Variants in DOCK3 observed in about 807,000 individuals in gnomAD.
DOCK3 encodes the protein dedicator of cytokinesis 3, also known as dedicator of cytokinesis protein 3.
In DOCK3, 60 loss-of-function variants were observed where a neutral mutation model predicts 265.6. The ratio of observed to expected loss-of-function variants is 0.23; its 90% CI spans 0.18 to 0.28. The LOEUF (loss-of-function observed/expected upper bound fraction) is 0.28, where lower values mean the gene tolerates loss of function less well. DOCK3 is among the 10% of genes least tolerant of loss of function. The probability of loss-of-function intolerance (pLI) is 1.00; values close to 1 mark genes in which losing one functional copy is unlikely to be tolerated. For synonymous variants in DOCK3, 881 were observed against 938.0 expected (o/e 0.94, Z 1.11); for missense variants, 1,981 against 2,594.3 (o/e 0.76, Z 5.14).
At chr3:50,984,261 A>G (rs1028702919) in intron 5 of DOCK3, among the ~76,000 whole-genome samples, 2 of 152,142 alleles carry the variant, frequency 1.3e-5, no homozygotes, top group African/African-American at 4.8e-5. Context: ...CAACACCCCA[A>G]AGATCCTGTA....
At chr3:51,159,495 G>A (rs911507673) in intron 11 of DOCK3, among the ~76,000 whole-genome samples, 191 bp downstream of exon 11, 5 of 151,952 alleles carry the variant, frequency 3.3e-5, no homozygotes, top group Middle Eastern at 3.4e-3. Context: ...AAATGGATTC[G>A]GGGGGGTGGG....
intron 5 of DOCK3, among the ~76,000 whole-genome samples, chr3:50,983,437 C>A (rs2077775804): frequency 6.6e-6 from 1 of 152,156 alleles, no homozygotes; most frequent in Non-Finnish European, 1.5e-5. Flanking sequence ...ATTTCCTCCC[C>A]TCTGTGGCCC....
chr3:50,872,559 C>A (rs2047483611), intron 3 of DOCK3, among the ~76,000 whole-genome samples: 1 of 152,216 alleles, frequency 6.6e-6, no homozygotes, highest in South Asian at 2.1e-4. Flanking sequence ...TATGTCTGTT[C>A]AAGGCCCTGG....
At chr3:51,272,819 A>C (rs1177048645) in intron 24 of DOCK3, among the ~76,000 whole-genome samples, 1 of 151,972 alleles carries the variant, frequency 6.6e-6, no homozygotes, top group Non-Finnish European at 1.5e-5. Flanking sequence ...GGTTTGGGGC[A>C]CACTGTCACT....
chr3:51,250,985 C>T (rs1457005135), intron 22 of DOCK3, among the ~76,000 whole-genome samples: 1 of 152,178 alleles, frequency 6.6e-6, no homozygotes, highest in African/African-American at 2.4e-5. Flanking sequence ...TCGTCATTTA[C>T]ATTAGGTGTA....
chr3:51,233,621 G>A (rs1289276244), intron 19 of DOCK3, among the ~76,000 whole-genome samples: 5 of 151,900 alleles, frequency 3.3e-5, no homozygotes, highest in African/African-American at 7.3e-5. Flanking sequence ...CTCCCATCTC[G>A]GCCTCCCAAA....
intron 12 of DOCK3, among the ~76,000 whole-genome samples, chr3:51,181,209 A>G (rs1409374197): frequency 6.6e-6 from 1 of 152,026 alleles, no homozygotes; most frequent in Non-Finnish European, 1.5e-5. Flanking sequence ...ACATATGTAT[A>G]CATGTGCCAT....
chr3:51,278,025 A>G, intron 26 of DOCK3: 7 of 985,376 alleles, frequency 7.1e-6, no homozygotes, highest in Non-Finnish European at 8.4e-6. Flanking sequence ...GTCATTTTCT[A>G]TATTGTAGAA....
intron 32 of DOCK3, among the ~76,000 whole-genome samples, chr3:51,321,022 T>A (rs2083691000): frequency 6.6e-6 from 1 of 152,174 alleles, no homozygotes; most frequent in Non-Finnish European, 1.5e-5. Context: ...CCCCCATGTC[T>A]CCTGACTGGG....
intron 2 of DOCK3, among the ~76,000 whole-genome samples, chr3:50,832,647 C>T (rs984354119): frequency 6.6e-6 from 1 of 152,174 alleles, no homozygotes; most frequent in Non-Finnish European, 1.5e-5. Context: ...CTTATTTTAC[C>T]TAGCCCCTAT....
At chr3:51,271,033 T>C in intron 24 of DOCK3, 26 bp downstream of exon 24, 1 of 1,598,840 alleles carries the variant, frequency 6.3e-7, no homozygotes, top group Non-Finnish European at 8.5e-7. Flanking sequence ...ATGAGAGTCC[T>C]CCTTCCTTCC....
intron 3 of DOCK3, among the ~76,000 whole-genome samples, chr3:50,856,480 T>C (rs1258099748): frequency 6.6e-6 from 1 of 152,196 alleles, no homozygotes; most frequent in Non-Finnish European, 1.5e-5. Flanking sequence ...GCCACATGTA[T>C]GTCTTCTTTT....
intron 22 of DOCK3, among the ~76,000 whole-genome samples, chr3:51,254,419 C>A (rs932396321): frequency 3.3e-5 from 5 of 152,086 alleles, no homozygotes; most frequent in African/African-American, 1.2e-4. Context: ...TCCTGGATAT[C>A]CTTGTTAACT....
intron 23 of DOCK3, among the ~76,000 whole-genome samples, chr3:51,267,991 G>A (rs1313516247): frequency 1.3e-5 from 2 of 152,086 alleles, no homozygotes; most frequent in Non-Finnish European, 2.9e-5. Flanking sequence ...GGGCCTGTTG[G>A]GGGTCGGGGG....
At chr3:50,715,462 G>C (rs577335879) in intron 1 of DOCK3, among the ~76,000 whole-genome samples, 1 of 152,062 alleles carries the variant, frequency 6.6e-6, no homozygotes, top group East Asian at 1.9e-4. Context: ...GAGGTGGGAG[G>C]ATCACTTGAG....
At chr3:51,320,756 C>T (rs1242161618) in intron 32 of DOCK3, among the ~76,000 whole-genome samples, 9 of 151,946 alleles carry the variant, frequency 5.9e-5, no homozygotes, top group South Asian at 4.2e-4. Flanking sequence ...AAGGCTGCTG[C>T]GGCCAGAATG....
At chr3:50,809,564 A>G (rs2043621233) in intron 2 of DOCK3, among the ~76,000 whole-genome samples, 1 of 152,218 alleles carries the variant, frequency 6.6e-6, no homozygotes, top group Admixed American at 6.5e-5. Context: ...TTCTACTCAT[A>G]AATATGAACC....
chr3:51,225,171 C>G (rs1314788290), intron 14 of DOCK3, among the ~76,000 whole-genome samples: 1 of 152,110 alleles, frequency 6.6e-6, no homozygotes, highest in African/African-American at 2.4e-5. Flanking sequence ...AATATATCCT[C>G]TAGTCAGACT....
intron 5 of DOCK3, among the ~76,000 whole-genome samples, chr3:51,038,560 G>A (rs2080360224): frequency 6.6e-6 from 1 of 151,926 alleles, no homozygotes; most frequent in Non-Finnish European, 1.5e-5. Context: ...TTCCAAATGA[G>A]TAAGATTTTG....
Sources: gnomAD v4.1 joint callset for allele counts (sites outside exome capture counted in the v4.1 genomes callset) on GRCh38, gnomAD v4.1.1 for gene constraint, MANE v1.5 for transcripts, NCBI Gene and HGNC (gene_info 2026-07-23, HGNC 2026-07-21) for gene names.